Variants in MSN observed in about 807,000 individuals in gnomAD.
The protein encoded by MSN is moesin.
A neutral mutation model predicts 48.0 loss-of-function variants in MSN; 2 were observed. The ratio of observed to expected loss-of-function variants is 0.04; its 90% CI spans 0.02 to 0.13. The LOEUF (loss-of-function observed/expected upper bound fraction) is 0.13. Among genes scored for constraint, MSN ranks in the 10% least tolerant of loss-of-function variants. The pLI, the probability that MSN is intolerant of heterozygous loss-of-function variation, is 1.00. For synonymous variants in MSN, 146 were observed against 166.9 expected (o/e 0.87, Z 0.97); for missense variants, 267 against 470.1 (o/e 0.57, Z 3.99).
chrX:65,613,632 T>A (rs966706967), intron 1 of MSN, among the ~76,000 whole-genome samples: 3 of 112,402 alleles, frequency 2.7e-5, no homozygotes, highest in East Asian at 2.8e-4. Context: ...GTGATGATGA[T>A]CTTTTTTTCA....
At chrX:65,627,519 C>G (rs1602733047) in intron 1 of MSN, among the ~76,000 whole-genome samples, 6 of 110,915 alleles carry the variant, frequency 5.4e-5, no homozygotes, top group South Asian at 7.7e-4. Flanking sequence ...GACTTTTCCA[C>G]TGTCATGAAA....
intron 1 of MSN, among the ~76,000 whole-genome samples, chrX:65,675,594 G>A (rs1246619772): frequency 9.0e-6 from 1 of 111,165 alleles, no homozygotes; most frequent in African/African-American, 3.3e-5. Flanking sequence ...GCAAACAAGG[G>A]CCTGTGGGGG....
chrX:65,721,200 C>T (rs2071513569), intron 2 of MSN, among the ~76,000 whole-genome samples: 1 of 111,960 alleles, frequency 8.9e-6, no homozygotes, highest in African/African-American at 3.2e-5. Flanking sequence ...AAATAAACGC[C>T]CTTGAGGTCA....
chrX:65,642,223 A>G (rs746242412), intron 1 of MSN, among the ~76,000 whole-genome samples: 15 of 110,496 alleles, frequency 1.4e-4, no homozygotes, highest in Non-Finnish European at 2.6e-4. Flanking sequence ...ACATCCATGC[A>G]ATGAAACACT....
At chrX:65,717,768 T>A (rs956943597) in intron 2 of MSN, among the ~76,000 whole-genome samples, 2 of 111,696 alleles carry the variant, frequency 1.8e-5, no homozygotes, top group Non-Finnish European at 3.8e-5. Context: ...GTCTGAGTTA[T>A]TGTCCAGGAT....
chrX:65,592,192 C>CTTTTTTT (rs1176549178), intron 1 of MSN, among the ~76,000 whole-genome samples: 5 of 76,899 alleles, frequency 6.5e-5, no homozygotes, highest in Admixed American at 1.7e-4. Context: ...CTCTTCATCC[C>CTTTTTTT]TTTTTTTTTT....
chrX:65,611,144 C>CCTTT (rs370402241), intron 1 of MSN, among the ~76,000 whole-genome samples: 47 of 105,220 alleles, frequency 4.5e-4, no homozygotes, highest in Admixed American at 2.2e-3. Flanking sequence ...TTCCATCCTT[C>CCTTT]CTTTCTTTCT....
intron 1 of MSN, among the ~76,000 whole-genome samples, chrX:65,695,675 T>A (rs1242262890): frequency 5.4e-5 from 6 of 110,679 alleles, no homozygotes; most frequent in Non-Finnish European, 9.5e-5. Context: ...ATCAGCTTCT[T>A]ATCTTTATTT....
intron 1 of MSN, among the ~76,000 whole-genome samples, chrX:65,612,870 G>C (rs1319441578): frequency 9.2e-6 from 1 of 108,234 alleles, no homozygotes; most frequent in Non-Finnish European, 1.9e-5. Context: ...TTTTTTGGGG[G>C]GGGGTACGAT....
At chrX:65,651,466 G>A (rs1279964355) in intron 1 of MSN, among the ~76,000 whole-genome samples, 1 of 109,064 alleles carries the variant, frequency 9.2e-6, no homozygotes, top group Non-Finnish European at 1.9e-5. Context: ...TATAAGTGCT[G>A]TGAAGGAAAC....
At chrX:65,591,845 C>A (rs917562640) in intron 1 of MSN, among the ~76,000 whole-genome samples, 6 of 111,280 alleles carry the variant, frequency 5.4e-5, no homozygotes, top group Admixed American at 3.8e-4. Flanking sequence ...CCCCTCATCC[C>A]TGCCCCTGCC....
intron 2 of MSN, 144 bp from the exon 3 acceptor site, chrX:65,727,670 C>A (rs1354965276): frequency 1.6e-5 from 7 of 449,078 alleles, no homozygotes; most frequent in Non-Finnish European, 2.7e-5. Flanking sequence ...TTGATTGCTG[C>A]TCAAGTATAT....
At chrX:65,622,455 C>G (rs890669336) in intron 1 of MSN, among the ~76,000 whole-genome samples, 1 of 107,548 alleles carries the variant, frequency 9.3e-6, no homozygotes, top group Non-Finnish European at 1.9e-5. Flanking sequence ...TCTTATTGCT[C>G]TAGCCAGAAC....
At chrX:65,713,220 G>A (rs898139439) in intron 1 of MSN, among the ~76,000 whole-genome samples, 2 of 111,237 alleles carry the variant, frequency 1.8e-5, no homozygotes, top group Non-Finnish European at 3.8e-5. Context: ...ATTTGTAAAG[G>A]TGGTATTTTT....
chrX:65,632,348 C>T (rs1042192221), intron 1 of MSN, among the ~76,000 whole-genome samples: 1 of 111,759 alleles, frequency 8.9e-6, no homozygotes, highest in Admixed American at 9.5e-5. Flanking sequence ...GCTAACCTCT[C>T]GATTTTGGAC....
intron 11 of MSN, 27 bp downstream of exon 11, chrX:65,738,644 A>C (rs763343544): frequency 6.2e-5 from 72 of 1,157,121 alleles, no homozygotes; most frequent in Non-Finnish European, 8.3e-5. Flanking sequence ...AAAGCAAAGC[A>C]TTGAAGGAAT....
At chrX:65,715,125 G>C (rs190316652) in intron 1 of MSN, among the ~76,000 whole-genome samples, 3 of 110,930 alleles carry the variant, frequency 2.7e-5, no homozygotes, top group Non-Finnish European at 5.7e-5. Context: ...AGATCAGATG[G>C]TTGTAGGTGT....
chrX:65,669,201 G>A (rs1425571083), intron 1 of MSN, among the ~76,000 whole-genome samples: 3 of 110,920 alleles, frequency 2.7e-5, no homozygotes, highest in East Asian at 2.8e-4. Flanking sequence ...CCTAGTCCCC[G>A]CCCCCAAAGA....
At chrX:65,628,451 TC>T (rs1339457126) in intron 1 of MSN, among the ~76,000 whole-genome samples, 2 of 112,265 alleles carry the variant, frequency 1.8e-5, no homozygotes, top group Admixed American at 1.9e-4. Flanking sequence ...TTGGCCCCTT[TC>T]AGCCATGGCT....
Sources: gnomAD v4.1 joint callset for allele counts (sites outside exome capture counted in the v4.1 genomes callset) on GRCh38, gnomAD v4.1.1 for gene constraint, MANE v1.5 for transcripts, NCBI Gene and HGNC (gene_info 2026-07-23, HGNC 2026-07-21) for gene names.